The following CD33 variants were observed in gnomAD, a reference collection of about 807,000 sequenced individuals.
CD33 encodes myeloid cell surface antigen CD33.
In CD33, 25 loss-of-function variants were observed where a neutral mutation model predicts 31.4. That is an observed-to-expected ratio of 0.80 (90% CI 0.58 to 1.11). CD33 has a LOEUF of 1.11. Ranked by LOEUF, CD33 falls within the 50% of genes most tolerant of loss-of-function variation. The probability of loss-of-function intolerance (pLI) is 0.00; values close to 1 mark genes in which losing one functional copy is unlikely to be tolerated. For synonymous variants in CD33, 176 were observed against 180.6 expected, an observed-to-expected ratio of 0.97 and a Z score of 0.20; for missense variants, 407 against 448.1, an observed-to-expected ratio of 0.91 and a Z score of 0.83.
intron 6 of CD33, chr19:51,238,971 G>T (rs971604206): frequency 6.6e-6 from 1 of 152,374 alleles, no homozygotes; most frequent in African/African-American, 2.4e-5. Flanking sequence ...ACAAGGAAAA[G>T]CCTGGGTTTT....
chr19:51,211,660 C>T, the CD33 span: 1 of 1,146,482 alleles, frequency 8.7e-7, no homozygotes, highest in Non-Finnish European at 1.3e-6. Context: ...TGGGATGGGA[C>T]CCATGTCCTG....
At chr19:51,218,723 A>G in the CD33 span, among the ~76,000 whole-genome samples, 1 of 152,164 alleles carries the variant, frequency 6.6e-6, no homozygotes, top group Admixed American at 6.5e-5. Flanking sequence ...ATAGGGGTCC[A>G]TTGCATTATT....
chr19:51,229,673 T>G (rs1981273975), intron 4 of CD33, among the ~76,000 whole-genome samples: 1 of 152,142 alleles, frequency 6.6e-6, no homozygotes, highest in Non-Finnish European at 1.5e-5. Context: ...CTTTCAAATT[T>G]GTTGGCATAT....
intron 3 of CD33, 69 bp downstream of exon 3, chr19:51,226,150 A>G: frequency 1.9e-6 from 3 of 1,572,462 alleles, no homozygotes; most frequent in South Asian, 1.1e-5. Flanking sequence ...GGTGCTGGGG[A>G]CATTTAGTGT....
Position 51,238,246 on chromosome 19 carries a change from AT to A in CD33, c.925-1271del. The A allele has an allele frequency of 1.3e-5, 2 of 152,360 alleles. 1 individual carries two copies. The highest frequency in any genetic ancestry group is 3.9e-4 in the East Asian group (2 of 5,186). 9.4% of individuals were successfully genotyped at this position (152,360 alleles called of 1,614,324 possible). A position where few individuals can be genotyped will look rare whatever the true frequency, so the allele number is the denominator to read the frequency against. The stretch of plus-strand genomic sequence containing the variant: ...AGGAGAAGTCTATTTTCAAGTGTAT[AT>A]CAAACATTATTTTGGTTACCGTAAG... On this transcript the variant is annotated intron_variant, in intron 6 of 6. Transcript: ENST00000262262.
intron 4 of CD33, among the ~76,000 whole-genome samples, chr19:51,230,986 G>C (rs1055770508): frequency 6.6e-6 from 1 of 152,168 alleles, no homozygotes; most frequent in African/African-American, 2.4e-5. Context: ...AAAGAATCCA[G>C]GGCTCTGGGC....
chr19:51,217,443 T>C, the CD33 span, among the ~76,000 whole-genome samples: 1 of 151,138 alleles, frequency 6.6e-6, no homozygotes, highest in Non-Finnish European at 1.5e-5. Flanking sequence ...ACGGAGTCAC[T>C]CTGTTGCCCG....
In CD33 at chr19:51,225,949, C is replaced by T; in HGVS notation, c.565C>T (p.Pro189Ser). 1 of 1,614,082 alleles carries T rather than the reference C, an allele frequency of 6.2e-7. No individual in the cohort carries two copies. The highest frequency in any genetic ancestry group is 1.3e-5 in the African/African-American group (1 of 75,008). Residue 189 changes from proline to serine, a missense_variant, in exon 3 of 7, where the codon CCC becomes TCC. By Grantham distance (74) the Pro-to-Ser change is moderately conservative. Transcript: ENST00000262262. ...WLSAAPTSLG[P>S]RTTHSSVLII... ...GTCAGCTGCCCCCACCTCCCTGGGC[C>T]CCAGGACTACTCACTCCTCGGTGCT...
intron 4 of CD33, among the ~76,000 whole-genome samples, chr19:51,234,233 C>G (rs1000994690): frequency 2.0e-5 from 3 of 152,118 alleles, no homozygotes; most frequent in Non-Finnish European, 2.9e-5. Flanking sequence ...ATCAGCATCC[C>G]CCATCAGAGT....
chr19:51,225,922 T>C lies in CD33; in HGVS notation c.538T>C (p.Leu180=), dbSNP rs1267189684. 1.2e-6 allele frequency: 2 copies of C among 1,613,966 alleles called. No individual in the cohort carries two copies. Among genetic ancestry groups the C allele is most frequent in the Middle Eastern group, 1.6e-4 (1 of 6,062 alleles). The change falls in exon 3 of 7, where the codon TTG becomes CTG. Residue 180 remains leucine, a synonymous_variant. Coordinates refer to ENST00000262262, the MANE Select transcript of CD33 (RefSeq NM_001772.4). ...EQGTPPIFSW[L]SAAPTSLGPR... ...GGGAACACCCCCGATCTTCTCCTGG[T>C]TGTCAGCTGCCCCCACCTCCCTGGG...
chr19:51,232,068 G>C (rs796340718), intron 4 of CD33, among the ~76,000 whole-genome samples: 6 of 152,292 alleles, frequency 3.9e-5, no homozygotes, highest in Admixed American at 2.0e-4. Flanking sequence ...CTGGCCCCTT[G>C]AGCATTTCTT....
At chr19:51,211,284 C>T in the CD33 span, 5 of 1,571,174 alleles carry the variant, frequency 3.2e-6, no homozygotes, top group Admixed American at 1.8e-5. Flanking sequence ...TGTGCGTCCT[C>T]GTGCCCTGCA....
chr19:51,221,984 G>A (rs947603128), upstream of CD33, among the ~76,000 whole-genome samples: 1 of 152,146 alleles, frequency 6.6e-6, no homozygotes, highest in African/African-American at 2.4e-5. Context: ...AAACATATCA[G>A]CATTTTTTCA....
At chr19:51,216,265 TG>T in the CD33 span, among the ~76,000 whole-genome samples, 12 of 150,890 alleles carry the variant, frequency 8.0e-5, no homozygotes, top group Admixed American at 6.0e-4. Context: ...TGTGTGTGTG[TG>T]TTTCTTGTAT....
intron 4 of CD33, among the ~76,000 whole-genome samples, chr19:51,231,603 GTT>G (rs774556770): frequency 0.047 from 5,803 of 123,196 alleles, 330 homozygotes; most frequent in African/African-American, 0.22. Context: ...GTTGGCTGAT[GTT>G]TTTTTTTTTT....
At chr19:51,235,319 C>T (rs540251490) in intron 5 of CD33, 66 bp downstream of exon 5, 10 of 1,469,128 alleles carry the variant, frequency 6.8e-6, no homozygotes, top group South Asian at 5.7e-5. Flanking sequence ...GTAGAAGGGT[C>T]CTGGAGGGGC....
Position 51,226,338 on chromosome 19 carries a change from T to C in CD33, c.727T>C (p.Phe243Leu), listed in dbSNP as rs11882250. 9,377 of 1,611,474 alleles carry C rather than the reference T, an allele frequency of 5.8e-3. 473 individuals carry two copies. The African/African-American group carries it at 0.11, about 19-fold the overall frequency. The change falls in exon 4 of 7, where the codon TTT becomes CTT. Residue 243 changes from phenylalanine to leucine, a missense_variant. Phe to Leu is a conservative substitution (Grantham distance 22). Transcript: ENST00000262262. The stretch of plus-strand genomic sequence containing the variant: ...TCCACAGAACCCAACAACTGGTATC[T>C]TTCCAGGAGATGGCTCAGGTAGGAA... Reference protein sequence around the residue: ...YVPQNPTTGIFPGDGSGKQET... With the variant: ...YVPQNPTTGILPGDGSGKQET...
chr19:51,216,883 T>G, the CD33 span, among the ~76,000 whole-genome samples: 1 of 151,976 alleles, frequency 6.6e-6, no homozygotes, highest in African/African-American at 2.4e-5. Context: ...GCAGGCTCTG[T>G]GTGTATATAA....
intron 4 of CD33, among the ~76,000 whole-genome samples, chr19:51,227,607 T>C (rs1283570118): frequency 6.6e-6 from 1 of 152,206 alleles, no homozygotes; most frequent in African/African-American, 2.4e-5. Context: ...TCCTCGTATG[T>C]TCTGGATATG....
Sources: allele counts gnomAD v4.1 joint callset (sites outside exome capture counted in the v4.1 genomes callset), GRCh38; gene constraint gnomAD v4.1.1; transcripts MANE v1.5; gene names NCBI Gene and HGNC (gene_info 2026-07-23, HGNC 2026-07-21).